Variants in RTN3 observed in about 807,000 individuals in gnomAD.
RTN3 encodes the protein reticulon 3, also known as reticulon-3.
In RTN3, 49 loss-of-function variants were observed where a neutral mutation model predicts 77.8. The ratio of observed to expected loss-of-function variants is 0.63; its 90% CI spans 0.50 to 0.80. The LOEUF is 0.80. Ranked by LOEUF, RTN3 falls within the 30% of genes least tolerant of loss-of-function variation. The pLI is 0.00. For synonymous variants in RTN3, 464 were observed against 446.9 expected (o/e 1.04, Z -0.48); for missense variants, 1,236 against 1,211.9 (o/e 1.02, Z -0.29).
At chr11:63,696,562 T>TG (rs1180515213) in intron 1 of RTN3, among the ~76,000 whole-genome samples, 1 of 143,042 alleles carries the variant, frequency 7.0e-6, no homozygotes, top group Non-Finnish European at 1.5e-5. Context: ...TTTTTTTTTT[T>TG]GGAGACGGAG....
chr11:63,732,134 T>C (rs1324234843), intron 3 of RTN3, among the ~76,000 whole-genome samples: 1 of 152,038 alleles, frequency 6.6e-6, no homozygotes, highest in East Asian at 1.9e-4. Flanking sequence ...AAGCCAAAAT[T>C]TGGTTCCTGG....
chr11:63,726,720 G>A (rs964771596), intron 3 of RTN3, among the ~76,000 whole-genome samples: 1 of 152,066 alleles, frequency 6.6e-6, no homozygotes, highest in Non-Finnish European at 1.5e-5. Flanking sequence ...AATTAGCCGG[G>A]CACATTGGCA....
intron 3 of RTN3, among the ~76,000 whole-genome samples, chr11:63,743,221 G>A (rs117010839): frequency 6.6e-6 from 1 of 152,182 alleles, no homozygotes; most frequent in Non-Finnish European, 1.5e-5. Context: ...GACTTAGTGA[G>A]CTGGCTAGAA....
At chr11:63,706,664 C>G (rs894903250) in intron 2 of RTN3, among the ~76,000 whole-genome samples, 2 of 152,010 alleles carry the variant, frequency 1.3e-5, no homozygotes, top group African/African-American at 4.8e-5. Flanking sequence ...GAAAGTAACT[C>G]AAACGTATGA....
chr11:63,691,114 C>CTTTTTTTTTTTTTTT (rs796809025), intron 1 of RTN3, among the ~76,000 whole-genome samples: 2 of 91,878 alleles, frequency 2.2e-5, no homozygotes, highest in African/African-American at 4.2e-5. Context: ...ATTGCTAATT[C>CTTTTTTTTTTTTTTT]TTTTTTTTTT....
At chr11:63,690,022 A>G (rs891026828) in intron 1 of RTN3, among the ~76,000 whole-genome samples, 9 of 152,044 alleles carry the variant, frequency 5.9e-5, no homozygotes, top group Admixed American at 4.6e-4. Flanking sequence ...GGCCTCCCAC[A>G]GTGCTGGGAT....
At chr11:63,717,596 G>A (rs550051089) in intron 2 of RTN3, among the ~76,000 whole-genome samples, 1 of 151,518 alleles carries the variant, frequency 6.6e-6, no homozygotes, top group Admixed American at 6.6e-5. Flanking sequence ...CACCATTTTG[G>A]TCAGGCTGGT....
At chr11:63,702,693 T>G (rs951894255) in intron 1 of RTN3, among the ~76,000 whole-genome samples, 9 of 104,348 alleles carry the variant, frequency 8.6e-5, no homozygotes, top group South Asian at 6.7e-4. Context: ...TGTTTTTTTG[T>G]TTTTTTTTTT....
intron 5 of RTN3, among the ~76,000 whole-genome samples, 157 bp downstream of exon 5, chr11:63,752,802 A>G (rs943236501): frequency 7.9e-5 from 12 of 152,218 alleles, no homozygotes; most frequent in Admixed American, 7.9e-4. Context: ...AGAGAAAGGT[A>G]TAGCCTTCTG....
At chr11:63,740,448 ATT>A (rs34045543) in intron 3 of RTN3, among the ~76,000 whole-genome samples, 25 of 120,730 alleles carry the variant, frequency 2.1e-4, no homozygotes, top group African/African-American at 6.2e-4. Flanking sequence ...TGCCTGGCTA[ATT>A]TTTTTTTTTT....
rs529723573 is a variant in RTN3 at position 63,702,281 on chromosome 11, T to G, written c.143-2570T>G. On this transcript the variant is annotated intron_variant, in intron 1 of 8. Transcript: ENST00000377819. ...TTATGTTCTTAGTGTGTGGTTTTTT[T>G]GTGTTTTTGGTTTTGGTTTTTTTTG... Among the ~76,000 whole-genome samples the G allele has an allele frequency of 2.2e-4, 33 of 152,096 alleles. No individual in the cohort carries two copies. The East Asian group carries it at 6.2e-3, about 28-fold the overall frequency.
At chr11:63,733,789 G>T (rs1040551150) in intron 3 of RTN3, among the ~76,000 whole-genome samples, 3 of 151,864 alleles carry the variant, frequency 2.0e-5, no homozygotes, top group African/African-American at 7.3e-5. Flanking sequence ...TACTCGGGAG[G>T]CTGAGGCAGG....
At chr11:63,752,812 G>T (rs969998891) in intron 5 of RTN3, among the ~76,000 whole-genome samples, 167 bp downstream of exon 5, 27 of 152,190 alleles carry the variant, frequency 1.8e-4, no homozygotes, top group Middle Eastern at 3.2e-3. Flanking sequence ...ATAGCCTTCT[G>T]CTGGGGAACA....
Position 63,715,761 on chromosome 11 carries a change from CCAAA to C in RTN3, c.200-2938_200-2935del, listed in dbSNP as rs565148893. ...CAGAGTTGTTTGAAGAGAGAGGTTC[CCAAA>C]CAGTTTTACCATAACCTTAGTTCAC... On this transcript the variant is annotated intron_variant, in intron 2 of 8. Transcript: ENST00000377819. Among the ~76,000 whole-genome samples, 399 of 152,198 alleles carry C rather than the reference CCAAA, an allele frequency of 2.6e-3. 1 individual carries two copies. Among genetic ancestry groups the C allele is most frequent in the Non-Finnish European group, 4.3e-3 (293 of 68,010 alleles).
At chr11:63,735,550 T>TCCTCTCTCTCTCTC in intron 3 of RTN3, among the ~76,000 whole-genome samples, 1 of 42,734 alleles carries the variant, frequency 2.3e-5, no homozygotes, top group African/African-American at 9.0e-5. Context: ...ATTCTAACAT[T>TCCTCTCTCTCTCTC]TCTCTCTCTC....
intron 3 of RTN3, among the ~76,000 whole-genome samples, chr11:63,728,208 T>C (rs1018048499): frequency 6.6e-6 from 1 of 151,958 alleles, no homozygotes; most frequent in African/African-American, 2.4e-5. Flanking sequence ...CGTGATAACA[T>C]GTGCAAAGGA....
chr11:63,710,771 GCT>G (rs2011142060), intron 2 of RTN3, among the ~76,000 whole-genome samples: 1 of 152,108 alleles, frequency 6.6e-6, no homozygotes, highest in Non-Finnish European at 1.5e-5. Flanking sequence ...AGATTCCTGA[GCT>G]CTGTCCTCCT....
chr11:63,719,679 G>T lies in RTN3; in HGVS notation c.1177G>T (p.Asp393Tyr). Reference protein sequence around the residue: ...THQKTPVCSIDGSTPITKSTG... With the variant: ...THQKTPVCSIYGSTPITKSTG... ...TCAGAAAACTCCTGTATGTTCTATT[G>T]ATGGGAGCACTCCCATCACTAAATC... Residue 393 changes from aspartate (D) to tyrosine (Y), a missense_variant, in exon 3 of 9, where the codon GAT becomes TAT. Physicochemically the swap from Asp to Tyr is radical, Grantham distance 160 (BLOSUM62 -3). Coordinates refer to ENST00000377819, the MANE Select transcript of RTN3 (RefSeq NM_001265589.2). 6.2e-7 allele frequency: 1 copy of T among 1,614,062 alleles called. No homozygotes were observed. The highest frequency in any genetic ancestry group is 1.1e-5 in the South Asian group (1 of 91,046).
chr11:63,702,066 C>G lies in RTN3; in HGVS notation c.143-2785C>G, dbSNP rs576221369. Among the ~76,000 whole-genome samples, 71 of 152,226 alleles carry G rather than the reference C, an allele frequency of 4.7e-4. 1 individual carries two copies. Among genetic ancestry groups the G allele is most frequent in the Middle Eastern group, 6.8e-3 (2 of 294 alleles). On this transcript the variant is annotated intron_variant, in intron 1 of 8. Transcript: ENST00000377819. ...AGTTTTCATGAATTAGTACTTATAG[C>G]TATAGCCCTGTCCTTTAAAGCAATC...
Sources: allele counts gnomAD v4.1 joint callset (sites outside exome capture counted in the v4.1 genomes callset), GRCh38; gene constraint gnomAD v4.1.1; transcripts MANE v1.5; gene names NCBI Gene and HGNC (gene_info 2026-07-23, HGNC 2026-07-21).